Variants in GUCY1A1 observed in about 807,000 individuals in gnomAD.
GUCY1A1 encodes the protein guanylate cyclase soluble subunit alpha-1.
A neutral mutation model predicts 64.5 loss-of-function variants in GUCY1A1; 48 were observed. That is an observed-to-expected ratio of 0.74 (90% CI 0.59 to 0.95). The LOEUF is 0.95. Ranked by LOEUF, GUCY1A1 falls within the 40% of genes least tolerant of loss-of-function variation. The pLI, the probability that GUCY1A1 is intolerant of heterozygous loss-of-function variation, is 0.00. For synonymous variants in GUCY1A1, 308 were observed against 303.4 expected, an observed-to-expected ratio of 1.02 and a Z score of -0.16; for missense variants, 804 against 825.3, an observed-to-expected ratio of 0.97 and a Z score of 0.32.
chr4:155,715,259 A>G (rs1733078505), intron 7 of GUCY1A1, among the ~76,000 whole-genome samples: 1 of 152,184 alleles, frequency 6.6e-6, no homozygotes, highest in Admixed American at 6.5e-5. Flanking sequence ...CACAAAATGT[A>G]TAATCGTAGC....
chr4:155,735,333 G>T lies in GUCY1A1; in HGVS notation c.*5102G>T, dbSNP rs967015926. 2.6e-5 allele frequency: 4 copies of T among 151,854 alleles called. No individual in the cohort carries two copies. The highest frequency in any genetic ancestry group is 4.4e-5 in the Non-Finnish European group (3 of 67,908). 9.4% of individuals were successfully genotyped at this position (151,854 alleles called of 1,614,324 possible). A position where few individuals can be genotyped will look rare whatever the true frequency, so the allele number is the denominator to read the frequency against. On this transcript the variant is annotated 3_prime_UTR_variant, in exon 10 of 10. Coordinates refer to ENST00000506455, the MANE Select transcript of GUCY1A1 (RefSeq NM_001130682.3). The stretch of plus-strand genomic sequence containing the variant: ...AAAACCTAAGCAAAAGGAAAAAAAA[G>T]TGATATTCTAAAAGCCACACTTCTT...
intron 2 of GUCY1A1, among the ~76,000 whole-genome samples, chr4:155,677,175 G>A (rs1230584587): frequency 2.6e-5 from 4 of 152,202 alleles, no homozygotes; most frequent in Admixed American, 2.6e-4. Flanking sequence ...GTGAATGAAT[G>A]AGTGAGTGAA....
intron 2 of GUCY1A1, among the ~76,000 whole-genome samples, chr4:155,690,083 T>G (rs969258891): frequency 6.6e-6 from 1 of 152,104 alleles, no homozygotes; most frequent in Admixed American, 6.5e-5. Flanking sequence ...AGAATTGGAG[T>G]AACCTAACTC....
At chr4:155,691,930 T>C (rs539907640) in intron 2 of GUCY1A1, among the ~76,000 whole-genome samples, 1 of 152,272 alleles carries the variant, frequency 6.6e-6, no homozygotes, top group South Asian at 2.1e-4. Flanking sequence ...TTTTTCTTGA[T>C]CCCCTCCCTC....
chr4:155,708,137 T>TA, intron 4 of GUCY1A1, 99 bp from the exon 5 acceptor site: 1 of 670,440 alleles, frequency 1.5e-6, no homozygotes, highest in Non-Finnish European at 2.6e-6. Context: ...GTGCCTGGCC[T>TA]AATTTAAACT....
At chr4:155,721,108 T>G (rs189676324) in intron 8 of GUCY1A1, among the ~76,000 whole-genome samples, 2 of 152,088 alleles carry the variant, frequency 1.3e-5, no homozygotes, top group East Asian at 3.9e-4. Context: ...TACAAAAAAT[T>G]TAAAACTTAT....
intron 2 of GUCY1A1, among the ~76,000 whole-genome samples, chr4:155,684,481 G>C (rs1380224292): frequency 1.3e-5 from 2 of 152,124 alleles, no homozygotes; most frequent in Admixed American, 6.6e-5. Flanking sequence ...TTAAGAATCA[G>C]AAAGAGCTTT....
chr4:155,720,823 A>G (rs1733874543), intron 8 of GUCY1A1, among the ~76,000 whole-genome samples: 1 of 152,198 alleles, frequency 6.6e-6, no homozygotes, highest in South Asian at 2.1e-4. Flanking sequence ...ATGGTTGAGT[A>G]AACAAAGAGT....
At position 155,734,643 on chromosome 4, in the gene GUCY1A1, G is replaced by A. The variant is rs1044825313; in HGVS notation, c.*4412G>A. Reference sequence around the variant, plus strand: ...GGAGAACACAGCATATATGAGAGGTGGGAGGGCAGAGACGCCTTGCGATTC... The same window carrying A: ...GGAGAACACAGCATATATGAGAGGTAGGAGGGCAGAGACGCCTTGCGATTC... On this transcript the variant is annotated 3_prime_UTR_variant, in exon 10 of 10. Transcript: ENST00000506455. The A allele has an allele frequency of 3.3e-5, 5 of 152,030 alleles. No individual in the cohort carries two copies. The highest frequency in any genetic ancestry group is 1.2e-4 in the African/African-American group (5 of 41,516). 9.4% of individuals were successfully genotyped at this position (152,030 alleles called of 1,614,324 possible).
chr4:155,691,948 C>A (rs1729793975), intron 2 of GUCY1A1, among the ~76,000 whole-genome samples: 1 of 152,030 alleles, frequency 6.6e-6, no homozygotes, highest in Admixed American at 6.5e-5. Flanking sequence ...CTCCTTTCAC[C>A]CTTTACAGTC....
intron 8 of GUCY1A1, among the ~76,000 whole-genome samples, chr4:155,718,968 C>A (rs888809606): frequency 6.6e-6 from 1 of 152,034 alleles, no homozygotes; most frequent in African/African-American, 2.4e-5. Context: ...CTATATATTT[C>A]TTTCTCTTTC....
intron 9 of GUCY1A1, chr4:155,722,516 T>C: frequency 1.1e-6 from 1 of 907,216 alleles, no homozygotes. Flanking sequence ...TACACTGCAG[T>C]GCAGTTCTGG....
At chr4:155,725,674 G>A (rs1291180468) in intron 9 of GUCY1A1, among the ~76,000 whole-genome samples, 2 of 151,924 alleles carry the variant, frequency 1.3e-5, no homozygotes, top group African/African-American at 4.8e-5. Context: ...TGGTGGTCTT[G>A]AGTCATGTTA....
chr4:155,676,045 C>T (rs894559871), intron 2 of GUCY1A1, among the ~76,000 whole-genome samples: 4 of 151,392 alleles, frequency 2.6e-5, no homozygotes, highest in African/African-American at 9.8e-5. Flanking sequence ...CCTGTTTTAC[C>T]GTGAAGAGCA....
intron 2 of GUCY1A1, among the ~76,000 whole-genome samples, chr4:155,674,745 C>T (rs1284764096): frequency 6.6e-6 from 1 of 151,516 alleles, no homozygotes; most frequent in Non-Finnish European, 1.5e-5. Flanking sequence ...TTCTGGAATA[C>T]CTTCTGATGA....
chr4:155,720,602 C>G (rs1485770019), intron 8 of GUCY1A1, among the ~76,000 whole-genome samples: 1 of 152,040 alleles, frequency 6.6e-6, no homozygotes, highest in Admixed American at 6.6e-5. Context: ...ATACAAAGTT[C>G]CTGATTCACA....
chr4:155,717,257 G>A lies in GUCY1A1; in HGVS notation c.1671G>A (p.Met557Ile). ...VQIALMALKM[M>I]ELSDEVMSPH... ...TAGCGCTGATGGCCCTGAAGATGAT[G>A]GAGCTCTCTGATGAAGTTATGTCTC... The change falls in exon 8 of 10, where the codon ATG (methionine) becomes ATA (isoleucine). Residue 557 changes from methionine to isoleucine, a missense_variant. Coordinates refer to ENST00000506455, the MANE Select transcript of GUCY1A1 (RefSeq NM_001130682.3). 6.3e-7 allele frequency: 1 copy of A among 1,597,278 alleles called. No individual in the cohort carries two copies. Among genetic ancestry groups the A allele is most frequent in the Non-Finnish European group, 8.5e-7 (1 of 1,169,902 alleles).
rs1031752687 is a variant in GUCY1A1 at position 155,731,786 on chromosome 4, G to T, written c.*1555G>T. On this transcript the variant is annotated 3_prime_UTR_variant, in exon 10 of 10. Transcript: ENST00000506455. ...ACTGCCTCCCTTAGTACCCAGGCTA[G>T]CCCATGGTGACATCAGGGATATTCA... 4.0e-5 allele frequency: 6 copies of T among 151,788 alleles called. No individual in the cohort carries two copies. The highest frequency in any genetic ancestry group is 1.4e-4 in the African/African-American group (6 of 41,390). 9.4% of individuals were successfully genotyped at this position (151,788 alleles called of 1,614,324 possible). A position where few individuals can be genotyped will look rare whatever the true frequency, so the allele number is the denominator to read the frequency against.
chr4:155,680,939 ACACACACATG>A (rs1401674214), intron 2 of GUCY1A1, among the ~76,000 whole-genome samples: 2 of 144,774 alleles, frequency 1.4e-5, no homozygotes, highest in African/African-American at 5.1e-5. Flanking sequence ...ACACACACAC[ACACACACATG>A]CACACACACA....
Sources: gnomAD v4.1 joint callset for allele counts (sites outside exome capture counted in the v4.1 genomes callset) on GRCh38, gnomAD v4.1.1 for gene constraint, MANE v1.5 for transcripts, NCBI Gene and HGNC (gene_info 2026-07-23, HGNC 2026-07-21) for gene names.